Variants in TRDN observed in about 807,000 individuals in gnomAD.
TRDN encodes triadin in skeletal muscle.
A neutral mutation model predicts 149.7 loss-of-function variants in TRDN; 161 were observed. The ratio of observed to expected loss-of-function variants is 1.08; its 90% CI spans 0.95 to 1.23. The LOEUF (loss-of-function observed/expected upper bound fraction) is 1.23, where lower values mean the gene tolerates loss of function less well. TRDN is among the 50% of genes most tolerant of loss of function. The pLI, the probability that TRDN is intolerant of heterozygous loss-of-function variation, is 0.00. For missense variants in TRDN, 896 were observed against 823.5 expected (o/e 1.09, Z -1.08); for synonymous variants, 294 against 250.5 (o/e 1.17, Z -1.64).
chr6:123,586,259 G>T (rs1783474982), intron 1 of TRDN, among the ~76,000 whole-genome samples: 1 of 152,152 alleles, frequency 6.6e-6, no homozygotes, highest in Non-Finnish European at 1.5e-5. Context: ...GCCGGACCGG[G>T]TGTGAGGAGG....
intron 33 of TRDN, among the ~76,000 whole-genome samples, chr6:123,262,291 C>G (rs1006425369): frequency 9.9e-5 from 15 of 151,948 alleles, no homozygotes; most frequent in African/African-American, 3.6e-4. Flanking sequence ...TAGAAGATCT[C>G]CATACTGTGT....
chr6:123,579,405 GT>G (rs1583277189), intron 1 of TRDN, among the ~76,000 whole-genome samples: 2 of 152,198 alleles, frequency 1.3e-5, no homozygotes, highest in East Asian at 3.9e-4. Context: ...TAATCATGTG[GT>G]TTTTATCTTT....
At chr6:123,331,786 C>G in intron 23 of TRDN, 93 bp downstream of exon 23, 3 of 771,738 alleles carry the variant, frequency 3.9e-6, no homozygotes, top group Admixed American at 3.4e-5. Flanking sequence ...GTTTTGAGAG[C>G]CTGAAAATGA....
chr6:123,610,105 C>T (rs77105647), intron 1 of TRDN, among the ~76,000 whole-genome samples: 3,163 of 152,248 alleles, frequency 0.021, 127 homozygotes, highest in African/African-American at 0.071. Context: ...CACAAGTGAA[C>T]GGAATGATTT....
intron 10 of TRDN, among the ~76,000 whole-genome samples, chr6:123,460,587 T>C (rs1012436430): frequency 6.6e-6 from 1 of 152,124 alleles, no homozygotes; most frequent in Non-Finnish European, 1.5e-5. Context: ...ATAAAATCTA[T>C]TGTGTCATGG....
intron 38 of TRDN, among the ~76,000 whole-genome samples, chr6:123,236,536 T>A (rs1418340562): frequency 6.6e-6 from 1 of 152,196 alleles, no homozygotes; most frequent in East Asian, 1.9e-4. Context: ...ATGTTAGGTC[T>A]CAAAGATGTT....
chr6:123,263,304 A>G (rs1289096824), intron 33 of TRDN, among the ~76,000 whole-genome samples: 1 of 152,082 alleles, frequency 6.6e-6, no homozygotes, highest in East Asian at 1.9e-4. Flanking sequence ...ACTCCCTTCA[A>G]TTCTATGAAG....
Position 123,309,693 on chromosome 6 carries a change from A to T in TRDN, c.1510+6764T>A, listed in dbSNP as rs1360740025. 2.6e-5 allele frequency among the ~76,000 whole-genome samples: 4 copies of T among 151,944 alleles called. No homozygotes were observed. In the East Asian group the frequency reaches 5.8e-4, roughly 22 times the overall value. On this transcript the variant is annotated intron_variant, in intron 24 of 40. Transcript: ENST00000334268. ...TACATAGTTTTTTTTCAATAAATAC[A>T]TTGAAAATTTTGGGGAGGTTTGCAA...
chr6:123,250,881 G>A (rs1007022479), intron 38 of TRDN, among the ~76,000 whole-genome samples: 12 of 152,028 alleles, frequency 7.9e-5, no homozygotes, highest in Non-Finnish European at 1.2e-4. Flanking sequence ...AGTTTCACCC[G>A]AAATGTGCTT....
At chr6:123,324,127 C>T (rs1779355460) in intron 23 of TRDN, among the ~76,000 whole-genome samples, 1 of 152,070 alleles carries the variant, frequency 6.6e-6, no homozygotes, top group Admixed American at 6.6e-5. Flanking sequence ...CCTTAGTTTT[C>T]CTTTACTGAG....
chr6:123,271,193 T>A lies in TRDN; in HGVS notation c.1673-7A>T. 6.5e-7 allele frequency: 1 copy of A among 1,529,956 alleles called. No homozygotes were observed. The highest frequency in any genetic ancestry group is 1.4e-5 in the African/African-American group (1 of 72,274). The allele number at this position is 1,529,956 out of a possible 1,614,324, so 94.8% of individuals were successfully genotyped here. A position where few individuals can be genotyped will look rare whatever the true frequency, so the allele number is the denominator to read the frequency against. ...TGCTTGAGAACTTTTTCTTCTGTGA[T>A]AGGAAAAAATGTTAACACAAGTAGG... On this transcript the variant is annotated splice_region_variant and splice_polypyrimidine_tract_variant and intron_variant, in intron 29 of 40. Transcript: ENST00000334268.
At chr6:123,504,121 C>T (rs1169888106) in intron 7 of TRDN, among the ~76,000 whole-genome samples, 4 of 151,622 alleles carry the variant, frequency 2.6e-5, no homozygotes, top group Non-Finnish European at 5.9e-5. Context: ...TTATGAAGTG[C>T]TATATTAGAT....
At chr6:123,518,518 G>A (rs1375510227) in intron 5 of TRDN, among the ~76,000 whole-genome samples, 1 of 152,140 alleles carries the variant, frequency 6.6e-6, no homozygotes, top group Non-Finnish European at 1.5e-5. Flanking sequence ...TAAGGAATGA[G>A]GACTCACCCA....
chr6:123,270,795 A>G (rs939236194), intron 30 of TRDN, among the ~76,000 whole-genome samples: 6 of 151,960 alleles, frequency 3.9e-5, no homozygotes, highest in African/African-American at 1.2e-4. Flanking sequence ...GACTTCTGTA[A>G]TTTTAAGATT....
At chr6:123,462,059 A>G (rs1005722554) in intron 10 of TRDN, among the ~76,000 whole-genome samples, 1 of 152,226 alleles carries the variant, frequency 6.6e-6, no homozygotes, top group Non-Finnish European at 1.5e-5. Context: ...CAAATTTACA[A>G]CAATGACCAC....
chr6:123,322,451 G>A (rs902185066), intron 23 of TRDN, among the ~76,000 whole-genome samples: 1 of 151,800 alleles, frequency 6.6e-6, no homozygotes, highest in African/African-American at 2.4e-5. Flanking sequence ...GGAATTTGTG[G>A]CTAGAATTAG....
intron 1 of TRDN, chr6:123,583,924 G>C (rs908507615): frequency 1.1e-5 from 3 of 268,402 alleles, no homozygotes; most frequent in Non-Finnish European, 2.3e-5. Flanking sequence ...TTATTTCCTT[G>C]AGGATAGATT....
At chr6:123,253,722 A>G (rs892156535) in intron 37 of TRDN, among the ~76,000 whole-genome samples, 1 of 152,098 alleles carries the variant, frequency 6.6e-6, no homozygotes, top group Admixed American at 6.6e-5. Flanking sequence ...CAAGATGAAG[A>G]CTTTAAAACG....
intron 1 of TRDN, among the ~76,000 whole-genome samples, chr6:123,607,413 T>C (rs1784575680): frequency 1.3e-5 from 2 of 152,162 alleles, no homozygotes; most frequent in South Asian, 4.1e-4. Context: ...TCAAAAGAGA[T>C]TCAGAAACTG....
Sources: allele counts gnomAD v4.1 joint callset (sites outside exome capture counted in the v4.1 genomes callset), GRCh38; gene constraint gnomAD v4.1.1; transcripts MANE v1.5; gene names NCBI Gene and HGNC (gene_info 2026-07-23, HGNC 2026-07-21).